The following ENTREP2 variants were observed in gnomAD, a reference collection of about 807,000 sequenced individuals.
The protein encoded by ENTREP2 is endosomal transmembrane epsin interactor 2.
the ENTREP2 span, among the ~76,000 whole-genome samples, chr15:29,145,090 AT>A: frequency 6.6e-6 from 1 of 152,114 alleles, no homozygotes; most frequent in Non-Finnish European, 1.5e-5. Flanking sequence ...CAAATTCTTC[AT>A]AACAATCTTC....
chr15:29,251,295 T>G, the ENTREP2 span, among the ~76,000 whole-genome samples: 3 of 152,212 alleles, frequency 2.0e-5, no homozygotes, highest in African/African-American at 7.2e-5. Context: ...ATCAGGAGTT[T>G]AAGTATATTC....
chr15:29,241,734 T>G, the ENTREP2 span, among the ~76,000 whole-genome samples: 1 of 152,240 alleles, frequency 6.6e-6, no homozygotes. Context: ...CCCAAACTTC[T>G]GCAGAATGAA....
chr15:29,578,715 C>A, the ENTREP2 span, among the ~76,000 whole-genome samples: 1 of 152,314 alleles, frequency 6.6e-6, no homozygotes, highest in Middle Eastern at 3.4e-3. Flanking sequence ...GGACAGGAAT[C>A]ATTCACGTTT....
At chr15:29,305,278 G>A in the ENTREP2 span, among the ~76,000 whole-genome samples, 4 of 152,292 alleles carry the variant, frequency 2.6e-5, no homozygotes, top group African/African-American at 4.8e-5. Context: ...GAGCTTGCAC[G>A]GCACAATGAG....
the ENTREP2 span, among the ~76,000 whole-genome samples, chr15:29,536,519 G>A: frequency 6.0e-3 from 900 of 151,162 alleles, 6 homozygotes; most frequent in African/African-American, 0.02. Flanking sequence ...CAGAAGAATC[G>A]CTTGAACCCG....
the ENTREP2 span, among the ~76,000 whole-genome samples, chr15:29,324,914 A>G: frequency 3.2e-4 from 48 of 152,320 alleles, no homozygotes; most frequent in African/African-American, 1.1e-3. Context: ...CACAGGGAAC[A>G]TTCACCAAGA....
chr15:29,606,137 A>G, the ENTREP2 span, among the ~76,000 whole-genome samples: 2 of 151,628 alleles, frequency 1.3e-5, no homozygotes, highest in Non-Finnish European at 2.9e-5. Context: ...CTTTTAATCT[A>G]TATGGTTCCT....
the ENTREP2 span, chr15:29,137,141 G>A: frequency 6.8e-7 from 1 of 1,478,106 alleles, no homozygotes; most frequent in Non-Finnish European, 8.9e-7. Flanking sequence ...GGAGAACGGT[G>A]CCGTGAGGAG....
At chr15:29,196,662 A>C in the ENTREP2 span, 1 of 1,325,382 alleles carries the variant, frequency 7.5e-7, no homozygotes, top group Non-Finnish European at 1.0e-6. Context: ...AAAATGGCTC[A>C]GTTCAAAGGA....
At chr15:29,668,057 G>C in the ENTREP2 span, among the ~76,000 whole-genome samples, 1 of 152,236 alleles carries the variant, frequency 6.6e-6, no homozygotes, top group South Asian at 2.1e-4. Context: ...AGAAGGCAGA[G>C]AAAGGAAAAA....
chr15:29,220,889 T>C, the ENTREP2 span, among the ~76,000 whole-genome samples: 1 of 152,188 alleles, frequency 6.6e-6, no homozygotes. Flanking sequence ...TTTCGTCATA[T>C]TCCGTTTGCT....
chr15:29,486,369 C>T, the ENTREP2 span, among the ~76,000 whole-genome samples: 1 of 152,068 alleles, frequency 6.6e-6, no homozygotes, highest in Admixed American at 6.6e-5. Flanking sequence ...AAATGGAATA[C>T]TATCTGGCCA....
the ENTREP2 span, among the ~76,000 whole-genome samples, chr15:29,513,029 C>T: frequency 0.31 from 47,625 of 152,128 alleles, 8,222 homozygotes; most frequent in African/African-American, 0.46. Flanking sequence ...TTTAAAAAGT[C>T]AGCCTCTTTT....
chr15:29,186,122 A>C, the ENTREP2 span, among the ~76,000 whole-genome samples: 1 of 152,124 alleles, frequency 6.6e-6, no homozygotes, highest in Admixed American at 6.5e-5. Context: ...TTAGAGTGTG[A>C]AAATGGGTCT....
the ENTREP2 span, among the ~76,000 whole-genome samples, chr15:29,629,256 G>A: frequency 6.6e-6 from 1 of 151,976 alleles, no homozygotes; most frequent in Non-Finnish European, 1.5e-5. Flanking sequence ...CTGTTTTTCA[G>A]TTCGTCACTA....
the ENTREP2 span, among the ~76,000 whole-genome samples, chr15:29,507,101 G>T: frequency 1.3e-5 from 2 of 152,108 alleles, no homozygotes; most frequent in Admixed American, 6.5e-5. Context: ...AGCAGGGGTT[G>T]CAATCCTAGT....
chr15:29,362,965 T>C, the ENTREP2 span, among the ~76,000 whole-genome samples: 1 of 152,232 alleles, frequency 6.6e-6, no homozygotes, highest in African/African-American at 2.4e-5. Flanking sequence ...ATACTGTTAG[T>C]AAATTTAAAA....
chr15:29,206,845 G>A, the ENTREP2 span, among the ~76,000 whole-genome samples: 13 of 152,230 alleles, frequency 8.5e-5, no homozygotes, highest in Middle Eastern at 3.4e-3. Flanking sequence ...ACCACCACAC[G>A]TAATTACTAA....
chr15:29,197,577 C>A, the ENTREP2 span, among the ~76,000 whole-genome samples: 1 of 152,048 alleles, frequency 6.6e-6, no homozygotes, highest in Admixed American at 6.5e-5. Context: ...ACCAGTCTGA[C>A]CAACACAGTG....
Sources: allele counts gnomAD v4.1 joint callset (sites outside exome capture counted in the v4.1 genomes callset), GRCh38; gene constraint gnomAD v4.1.1; transcripts MANE v1.5; gene names NCBI Gene and HGNC (gene_info 2026-07-23, HGNC 2026-07-21).